SLC60A1: variants seen among roughly 807,000 people sequenced by gnomAD.
The protein encoded by SLC60A1 is solute carrier family 60 member 1.
chr1:205,583,589 G>A, the SLC60A1 span, among the ~76,000 whole-genome samples: 1 of 152,240 alleles, frequency 6.6e-6, no homozygotes, highest in African/African-American at 2.4e-5. Flanking sequence ...AAGCAAAGCT[G>A]CTTTGTAAAG....
At chr1:205,596,957 T>C in the SLC60A1 span, among the ~76,000 whole-genome samples, 1 of 152,212 alleles carries the variant, frequency 6.6e-6, no homozygotes, top group Non-Finnish European at 1.5e-5. Flanking sequence ...TAAGGTCACA[T>C]GGCCAGTAGG....
the SLC60A1 span, chr1:205,600,551 G>A: frequency 3.1e-5 from 41 of 1,338,990 alleles, no homozygotes; most frequent in East Asian, 4.8e-4. Flanking sequence ...TGGTGGAGGC[G>A]CTCTCTCAAT....
chr1:205,580,649 C>T, the SLC60A1 span: 1 of 1,610,616 alleles, frequency 6.2e-7, no homozygotes, highest in Non-Finnish European at 8.5e-7. The surrounding 1 kb of genome is among the most constrained non-coding windows in gnomAD (Gnocchi z 5.0). Flanking sequence ...GCCACCTCTC[C>T]TCTGTCCCCA....
At chr1:205,582,252 AAGCC>A in the SLC60A1 span, among the ~76,000 whole-genome samples, 25 of 152,250 alleles carry the variant, frequency 1.6e-4, 1 homozygote, top group Non-Finnish European at 3.2e-4. Flanking sequence ...GGTCCGGCTT[AAGCC>A]CGAGGTTTGT....
the SLC60A1 span, among the ~76,000 whole-genome samples, chr1:205,570,915 G>A: frequency 5.3e-5 from 8 of 152,158 alleles, no homozygotes; most frequent in East Asian, 1.2e-3. Context: ...GGTTGGCAGG[G>A]CAGGGTTTGT....
chr1:205,599,070 C>T, the SLC60A1 span: 100 of 1,603,480 alleles, frequency 6.2e-5, no homozygotes, highest in Non-Finnish European at 8.1e-5. Flanking sequence ...GCTGCTTCCT[C>T]CGATACACCT....
At chr1:205,570,523 A>C in the SLC60A1 span, among the ~76,000 whole-genome samples, 1 of 152,232 alleles carries the variant, frequency 6.6e-6, no homozygotes, top group African/African-American at 2.4e-5. Context: ...TGGTGGAAGG[A>C]GCACAGGTGT....
chr1:205,600,512 C>T, the SLC60A1 span: 101 of 1,576,794 alleles, frequency 6.4e-5, no homozygotes, highest in East Asian at 1.5e-3. Context: ...ATCACCAGCA[C>T]GACCATACTG....
At chr1:205,596,254 G>A in the SLC60A1 span, among the ~76,000 whole-genome samples, 2 of 152,228 alleles carry the variant, frequency 1.3e-5, no homozygotes, top group African/African-American at 4.8e-5. Context: ...CCAGCCTAGT[G>A]GGGAGGGCTA....
At chr1:205,591,483 CAAAAAAAA>C in the SLC60A1 span, among the ~76,000 whole-genome samples, 1 of 86,928 alleles carries the variant, frequency 1.2e-5, no homozygotes, top group African/African-American at 4.0e-5. Flanking sequence ...CCCTGTCTCT[CAAAAAAAA>C]AAAAAAAAAA....
the SLC60A1 span, among the ~76,000 whole-genome samples, chr1:205,579,127 C>G: frequency 6.6e-6 from 1 of 152,212 alleles, no homozygotes; most frequent in Non-Finnish European, 1.5e-5. Flanking sequence ...TTCCCCACTT[C>G]TGCACATTTG....
the SLC60A1 span, chr1:205,579,573 G>A: frequency 5.9e-6 from 4 of 673,712 alleles, no homozygotes; most frequent in Non-Finnish European, 1.0e-5. Context: ...ATTGTTATCT[G>A]AGCAGACTTT....
the SLC60A1 span, among the ~76,000 whole-genome samples, chr1:205,580,502 T>TC: frequency 1.3e-5 from 2 of 151,922 alleles, no homozygotes; most frequent in South Asian, 4.2e-4. This position sits in a 1 kb window ranked among gnomAD's most constrained non-coding sequence, Gnocchi z 5.0. Context: ...CACCCATGGC[T>TC]CCCCATTCCA....
chr1:205,586,374 C>T, the SLC60A1 span, among the ~76,000 whole-genome samples: 1 of 152,102 alleles, frequency 6.6e-6, no homozygotes. Flanking sequence ...GGGGTGGGAG[C>T]CTGGGAGGTG....
the SLC60A1 span, among the ~76,000 whole-genome samples, chr1:205,570,565 A>G: frequency 6.6e-6 from 1 of 152,218 alleles, no homozygotes; most frequent in Non-Finnish European, 1.5e-5. Context: ...TAAGCCTTAA[A>G]AACATGACCA....
chr1:205,586,467 C>G, the SLC60A1 span, among the ~76,000 whole-genome samples: 1 of 152,098 alleles, frequency 6.6e-6, no homozygotes, highest in South Asian at 2.1e-4. Flanking sequence ...AAGGAAAGGT[C>G]TGTAGGAGGT....
chr1:205,597,554 A>G, the SLC60A1 span: 2 of 406,434 alleles, frequency 4.9e-6, no homozygotes, highest in Middle Eastern at 6.4e-4. Flanking sequence ...ATGCCCAGTT[A>G]ATTTTTTTAA....
At chr1:205,584,749 G>A in the SLC60A1 span, 2 of 790,818 alleles carry the variant, frequency 2.5e-6, no homozygotes, top group Non-Finnish European at 2.2e-6. Flanking sequence ...GAAAGGTCGT[G>A]AAAGTAGAGG....
At chr1:205,599,078 C>T in the SLC60A1 span, 9 of 1,608,770 alleles carry the variant, frequency 5.6e-6, no homozygotes, top group Non-Finnish European at 7.6e-6. Flanking sequence ...CTCCGATACA[C>T]CTTCCACGTG....
Sources: allele counts gnomAD v4.1 joint callset (sites outside exome capture counted in the v4.1 genomes callset), GRCh38; gene constraint gnomAD v4.1.1; non-coding constraint Gnocchi (gnomAD v3.1); transcripts MANE v1.5; gene names NCBI Gene and HGNC (gene_info 2026-07-23, HGNC 2026-07-21).